The following SLC38A12 variants were observed in gnomAD, a reference collection of about 807,000 sequenced individuals.
SLC38A12 encodes putative sodium-coupled neutral amino acid transporter 12.
chr17:74,819,596 AG>A, the SLC38A12 span, among the ~76,000 whole-genome samples: 2 of 152,162 alleles, frequency 1.3e-5, no homozygotes, highest in East Asian at 3.9e-4. Context: ...CACTTACCCA[AG>A]GTGACCCCAG....
the SLC38A12 span, among the ~76,000 whole-genome samples, chr17:74,783,978 C>G: frequency 2.6e-5 from 4 of 151,526 alleles, no homozygotes; most frequent in East Asian, 7.7e-4. Context: ...CCACCCACCT[C>G]AGCCTCCCAA....
the SLC38A12 span, among the ~76,000 whole-genome samples, chr17:74,778,127 A>G: frequency 3.3e-5 from 5 of 152,170 alleles, no homozygotes; most frequent in African/African-American, 7.2e-5. Flanking sequence ...TTCTAATTAC[A>G]GTTTGGTGGA....
chr17:74,788,578 C>G, the SLC38A12 span, among the ~76,000 whole-genome samples: 1 of 152,362 alleles, frequency 6.6e-6, no homozygotes, highest in South Asian at 2.1e-4. Context: ...ACCTCTCTCT[C>G]TCGTGCACCG....
the SLC38A12 span, among the ~76,000 whole-genome samples, chr17:74,809,691 G>A: frequency 3.9e-5 from 6 of 152,110 alleles, no homozygotes; most frequent in Non-Finnish European, 7.4e-5. Flanking sequence ...TCAGGCAGGC[G>A]GTGGACCAGG....
At chr17:74,827,001 G>A in the SLC38A12 span, among the ~76,000 whole-genome samples, 1 of 152,156 alleles carries the variant, frequency 6.6e-6, no homozygotes, top group Non-Finnish European at 1.5e-5. This position sits in a 1 kb window ranked among gnomAD's most constrained non-coding sequence, Gnocchi z 4.7. Context: ...GGTTTGCTGA[G>A]GCCAGTGATA....
At chr17:74,816,150 T>A in the SLC38A12 span, among the ~76,000 whole-genome samples, 1 of 152,226 alleles carries the variant, frequency 6.6e-6, no homozygotes, top group Non-Finnish European at 1.5e-5. Context: ...GGCTCCTCCC[T>A]GTCAGCCCCA....
chr17:74,779,339 G>C, the SLC38A12 span, among the ~76,000 whole-genome samples: 1 of 152,084 alleles, frequency 6.6e-6, no homozygotes, highest in African/African-American at 2.4e-5. Context: ...GTTTTATTTC[G>C]TTCAGGGTCT....
chr17:74,777,952 A>C, the SLC38A12 span, among the ~76,000 whole-genome samples: 1 of 152,150 alleles, frequency 6.6e-6, no homozygotes, highest in Non-Finnish European at 1.5e-5. Context: ...AGGCTACCAC[A>C]CTTGCCTGCA....
At chr17:74,795,189 AG>A in the SLC38A12 span, 1 of 1,228,860 alleles carries the variant, frequency 8.1e-7, no homozygotes. Flanking sequence ...TGTCCAGGGG[AG>A]AAGCACCATG....
At chr17:74,799,232 C>T in the SLC38A12 span, among the ~76,000 whole-genome samples, 1 of 152,366 alleles carries the variant, frequency 6.6e-6, no homozygotes, top group African/African-American at 2.4e-5. Flanking sequence ...GAAGAGCAAG[C>T]GGCATCTACC....
the SLC38A12 span, among the ~76,000 whole-genome samples, chr17:74,820,419 G>A: frequency 1.1e-4 from 17 of 152,312 alleles, no homozygotes; most frequent in South Asian, 6.2e-4. Context: ...CCTCAGCTGC[G>A]GTCTGGGCGT....
At chr17:74,777,633 T>C in the SLC38A12 span, 1 of 1,439,310 alleles carries the variant, frequency 6.9e-7, no homozygotes, top group Non-Finnish European at 9.2e-7. Context: ...ATAATGTTAA[T>C]CCCGGGCTGG....
At chr17:74,818,909 A>G in the SLC38A12 span, among the ~76,000 whole-genome samples, 10 of 152,258 alleles carry the variant, frequency 6.6e-5, no homozygotes, top group Admixed American at 1.3e-4. Context: ...CTGCTCTGTC[A>G]CATTTACCCC....
the SLC38A12 span, among the ~76,000 whole-genome samples, chr17:74,802,011 C>G: frequency 8.5e-5 from 13 of 152,118 alleles, no homozygotes; most frequent in Non-Finnish European, 1.5e-4. Context: ...ACTGCTGCTC[C>G]TGTCTGAGCA....
At chr17:74,823,094 G>A in the SLC38A12 span, among the ~76,000 whole-genome samples, 1 of 152,114 alleles carries the variant, frequency 6.6e-6, no homozygotes, top group Non-Finnish European at 1.5e-5. Context: ...AAAAGCAGCT[G>A]TGTGACCGAG....
the SLC38A12 span, chr17:74,795,466 C>T: frequency 2.0e-6 from 3 of 1,517,784 alleles, no homozygotes; most frequent in South Asian, 3.5e-5. Flanking sequence ...CTTCTGTCTC[C>T]CCCAGCCCAG....
chr17:74,830,115 T>TC, the SLC38A12 span, among the ~76,000 whole-genome samples: 1 of 152,112 alleles, frequency 6.6e-6, no homozygotes, highest in Non-Finnish European at 1.5e-5. Flanking sequence ...AACATGAGCA[T>TC]CAGGGCCCTG....
the SLC38A12 span, among the ~76,000 whole-genome samples, chr17:74,835,675 CT>C: frequency 6.6e-6 from 1 of 152,202 alleles, no homozygotes; most frequent in South Asian, 2.1e-4. Context: ...ACTGGCCCCA[CT>C]GCAGCCCTGT....
the SLC38A12 span, among the ~76,000 whole-genome samples, chr17:74,812,208 C>T: frequency 2.6e-5 from 4 of 151,602 alleles, no homozygotes; most frequent in African/African-American, 2.4e-5. Flanking sequence ...TCTGTGCACA[C>T]GCAGCATGCT....
Sources: gnomAD v4.1 joint callset for allele counts (sites outside exome capture counted in the v4.1 genomes callset) on GRCh38, gnomAD v4.1.1 for gene constraint, Gnocchi (gnomAD v3.1) non-coding constraint, MANE v1.5 for transcripts, NCBI Gene and HGNC (gene_info 2026-07-23, HGNC 2026-07-21) for gene names.